The following POLD3 variants were observed in gnomAD, a reference collection of about 807,000 sequenced individuals.
POLD3 encodes DNA polymerase delta subunit 3.
In POLD3, 19 loss-of-function variants were observed where a neutral mutation model predicts 58.2. The ratio of observed to expected loss-of-function variants is 0.33; its 90% confidence interval spans 0.23 to 0.48. POLD3 has a LOEUF of 0.48. POLD3 is among the 20% of genes least tolerant of loss of function. The pLI is 0.99. For missense variants in POLD3, 504 were observed against 545.5 expected (o/e 0.92, Z 0.76); for synonymous variants, 172 against 193.5 (o/e 0.89, Z 0.92).
In POLD3 at chr11:74,642,220, A is replaced by C. The variant is rs946093424; in HGVS notation, c.*1454A>C. ...ACCAAGCATGAACTTGATTAAGACC[A>C]GAAGTTTGGGAGATGAGTCCTGGCA... is the stretch of plus-strand genomic sequence containing the variant. On this transcript the variant is annotated 3_prime_UTR_variant, in exon 12 of 12. Coordinates refer to ENST00000263681, the MANE Select transcript of POLD3 (RefSeq NM_006591.3). 10 of 985,494 alleles carry C rather than the reference A, an allele frequency of 1.0e-5. No individual in the cohort carries two copies. The South Asian group carries it at 2.8e-4, about 28-fold the overall frequency. 61.0% of individuals were successfully genotyped at this position (985,494 alleles called of 1,614,324 possible).
rs939072414 is a variant in POLD3, at chr11:74,652,898, G to A, written c.370-15879G>A. On this transcript the variant is annotated intron_variant, in intron 4 of 4. Coordinates refer to the POLD3 transcript ENST00000524752. ...TTACAGGTTGTTCAAATGTTCTCCC[G>A]GATGAGAATGATGATCTGTAAGAAA... 4.5e-5 allele frequency: 7 copies of A among 155,186 alleles called. No individual in the cohort carries two copies. The Middle Eastern group carries it at 6.9e-3, about 154-fold the overall frequency. 9.6% of individuals were successfully genotyped at this position (155,186 alleles called of 1,614,324 possible).
At chr11:74,600,375 A>G (rs566914522) in intron 2 of POLD3, among the ~76,000 whole-genome samples, 1 of 152,172 alleles carries the variant, frequency 6.6e-6, no homozygotes, top group South Asian at 2.1e-4. Context: ...GCCTGAGCTC[A>G]GGAGTTTGAG....
At position 74,634,613 on chromosome 11, in the gene POLD3, C is replaced by G; in HGVS notation, c.1037C>G (p.Ala346Gly). 1 of 1,611,556 alleles carries G rather than the reference C, an allele frequency of 6.2e-7. No individual in the cohort carries two copies. Among genetic ancestry groups the G allele is most frequent in the Non-Finnish European group, 8.5e-7 (1 of 1,177,770 alleles). ...VFPDSPGAYE[A>G]ESPSPPPPPS... ...CCAGACTCTCCTGGGGCTTATGAAG[C>G]TGAGTCACCATCCCCACCTCCTCCT... The change falls in exon 10 of 12, where the codon GCT (alanine) becomes GGT (glycine). Residue 346 changes from alanine (A) to glycine (G), a missense_variant. Around this residue, in one of 2 missense-constraint regions of POLD3, gnomAD observed 385 missense variants for 370.5 expected, o/e 1.04. Coordinates refer to ENST00000263681, the MANE Select transcript of POLD3 (RefSeq NM_006591.3).
chr11:74,655,536 A>T (rs1819694737), intron 4 of POLD3, among the ~76,000 whole-genome samples: 1 of 152,200 alleles, frequency 6.6e-6, no homozygotes. Flanking sequence ...TTATCAATCA[A>T]CTTGACCTAA....
At chr11:74,606,589 T>G (rs1039981156) in intron 3 of POLD3, among the ~76,000 whole-genome samples, 1 of 152,192 alleles carries the variant, frequency 6.6e-6, no homozygotes, top group African/African-American at 2.4e-5. Flanking sequence ...GGATCCAAAG[T>G]TAAGAATTTA....
At chr11:74,616,502 A>G (rs913917560) in intron 5 of POLD3, among the ~76,000 whole-genome samples, 35 of 152,210 alleles carry the variant, frequency 2.3e-4, no homozygotes, top group African/African-American at 7.7e-4. Context: ...ACCAGAGGAG[A>G]AAGAGTTGTT....
chr11:74,600,147 A>AT (rs2031437715), intron 2 of POLD3, among the ~76,000 whole-genome samples: 1 of 151,782 alleles, frequency 6.6e-6, no homozygotes, highest in Non-Finnish European at 1.5e-5. Context: ...GGGTTTCACC[A>AT]TGCTGGCCAG....
chr11:74,607,237 T>TA (rs1201814760), intron 3 of POLD3, among the ~76,000 whole-genome samples: 116 of 94,364 alleles, frequency 1.2e-3, no homozygotes, highest in Middle Eastern at 5.7e-3. Context: ...TTTATTATTA[T>TA]TATTATATAT....
chr11:74,599,324 G>A (rs879912967), intron 2 of POLD3, among the ~76,000 whole-genome samples: 3 of 151,570 alleles, frequency 2.0e-5, no homozygotes, highest in African/African-American at 4.9e-5. Flanking sequence ...GAGCCACCAT[G>A]CTCGGCCTCA....
intron 9 of POLD3, among the ~76,000 whole-genome samples, chr11:74,630,243 T>G (rs2032551895): frequency 6.6e-6 from 1 of 152,182 alleles, no homozygotes; most frequent in Middle Eastern, 3.2e-3. Context: ...ATTCTGCTTT[T>G]TCCAGAAACT....
chr11:74,604,074 G>A (rs1015052520), intron 2 of POLD3, among the ~76,000 whole-genome samples: 9 of 152,212 alleles, frequency 5.9e-5, no homozygotes, highest in African/African-American at 2.2e-4. Context: ...CATTAAATCT[G>A]AGTAATCATA....
intron 3 of POLD3, among the ~76,000 whole-genome samples, chr11:74,605,446 A>C (rs2031642218): frequency 6.6e-6 from 1 of 152,174 alleles, no homozygotes; most frequent in East Asian, 1.9e-4. Context: ...TATTACTCCC[A>C]TGCCTTGGTG....
intron 3 of POLD3, among the ~76,000 whole-genome samples, chr11:74,606,294 C>T (rs531371668): frequency 6.6e-6 from 1 of 152,300 alleles, no homozygotes; most frequent in African/African-American, 2.4e-5. Flanking sequence ...ATAAACCTGC[C>T]TCCAGAGTTC....
At chr11:74,658,983 G>A (rs1024457657) in intron 4 of POLD3, among the ~76,000 whole-genome samples, 1 of 152,172 alleles carries the variant, frequency 6.6e-6, no homozygotes, top group Non-Finnish European at 1.5e-5. Flanking sequence ...TCCTATGTGG[G>A]GGCTCCAACC....
intron 11 of POLD3, among the ~76,000 whole-genome samples, chr11:74,637,347 G>A (rs934375470): frequency 2.0e-5 from 3 of 150,832 alleles, no homozygotes; most frequent in African/African-American, 4.9e-5. Context: ...AATTCTTTAC[G>A]TGTGGAAATT....
intron 2 of POLD3, chr11:74,595,473 T>C (rs1390957989): frequency 6.6e-6 from 1 of 152,176 alleles, no homozygotes; most frequent in Non-Finnish European, 1.5e-5. Context: ...CATTGGGTAT[T>C]TTTGGTTGTT....
intron 4 of POLD3, among the ~76,000 whole-genome samples, chr11:74,652,172 A>G (rs1591326957): frequency 6.6e-6 from 1 of 152,216 alleles, no homozygotes. Flanking sequence ...TTGTAATAAC[A>G]GCTCTCATCT....
At chr11:74,638,938 T>A (rs2032833654) in intron 11 of POLD3, among the ~76,000 whole-genome samples, 1 of 152,182 alleles carries the variant, frequency 6.6e-6, no homozygotes, top group Non-Finnish European at 1.5e-5. Context: ...TAAGTGAACA[T>A]CAAAGTGAAT....
intron 7 of POLD3, among the ~76,000 whole-genome samples, chr11:74,620,669 C>CT (rs1447865752): frequency 1.3e-5 from 2 of 152,158 alleles, no homozygotes; most frequent in African/African-American, 4.8e-5. Flanking sequence ...AGTAAGAATT[C>CT]TTTCGTATGG....
Sources: allele counts gnomAD v4.1 joint callset (sites outside exome capture counted in the v4.1 genomes callset), GRCh38; gene constraint gnomAD v4.1.1; regional missense constraint gnomAD v4.1.1; transcripts MANE v1.5; gene names NCBI Gene and HGNC (gene_info 2026-07-23, HGNC 2026-07-21).